Variants in NALCN observed in about 807,000 individuals in gnomAD.
The protein encoded by NALCN is sodium leak channel, non-selective, also known as sodium leak channel NALCN.
A neutral mutation model predicts 225.3 loss-of-function variants in NALCN; 111 were observed. The ratio of observed to expected loss-of-function variants is 0.49; its 90% CI spans 0.42 to 0.58. The LOEUF (loss-of-function observed/expected upper bound fraction) is 0.58, where lower values mean the gene tolerates loss of function less well. Among genes scored for constraint, NALCN ranks in the 20% least tolerant of loss-of-function variants. NALCN has a pLI of 0.00. For missense variants in NALCN, 1,378 were observed against 2,202.4 expected (o/e 0.63, Z 7.49); for synonymous variants, 764 against 769.0 (o/e 0.99, Z 0.11).
intron 3 of NALCN, among the ~76,000 whole-genome samples, chr13:101,384,828 T>C (rs1212556918): frequency 1.3e-5 from 2 of 152,178 alleles, no homozygotes; most frequent in African/African-American, 4.8e-5. Flanking sequence ...GGAGTGGGAA[T>C]TGATGGGCAA....
chr13:101,208,661 G>T (rs1391440653), intron 13 of NALCN, among the ~76,000 whole-genome samples: 1 of 152,210 alleles, frequency 6.6e-6, no homozygotes, highest in Non-Finnish European at 1.5e-5. Context: ...AGGTCACGGG[G>T]CAGCTGTCTC....
intron 6 of NALCN, among the ~76,000 whole-genome samples, chr13:101,369,300 T>G (rs1051716171): frequency 1.3e-5 from 2 of 152,084 alleles, no homozygotes; most frequent in Non-Finnish European, 1.5e-5. Flanking sequence ...TCAACATTTA[T>G]GAAATTTTTC....
At chr13:101,149,578 C>A (rs1037988577) in intron 15 of NALCN, among the ~76,000 whole-genome samples, 1 of 152,208 alleles carries the variant, frequency 6.6e-6, no homozygotes, top group Non-Finnish European at 1.5e-5. Context: ...TAGAACTCAG[C>A]ACAACTTGGT....
chr13:101,085,317 C>T (rs657208), intron 30 of NALCN, among the ~76,000 whole-genome samples: 111,206 of 151,930 alleles, frequency 0.73, 41,284 homozygotes, highest in African/African-American at 0.82. Flanking sequence ...TTTTCCTTTA[C>T]AGATTTCACT....
chr13:101,310,594 T>C (rs2044306479), intron 7 of NALCN, among the ~76,000 whole-genome samples: 1 of 152,126 alleles, frequency 6.6e-6, no homozygotes, highest in Admixed American at 6.5e-5. Flanking sequence ...TTGACACTTA[T>C]TACTACGTAG....
At chr13:101,414,059 T>TTC (rs2047863759) in intron 1 of NALCN, among the ~76,000 whole-genome samples, 1 of 151,356 alleles carries the variant, frequency 6.6e-6, no homozygotes, top group Non-Finnish European at 1.5e-5. Flanking sequence ...TGAATTTTTT[T>TTC]TTTTTTTGTA....
chr13:101,190,157 G>C (rs1212059115), intron 14 of NALCN, among the ~76,000 whole-genome samples: 1 of 152,148 alleles, frequency 6.6e-6, no homozygotes, highest in Non-Finnish European at 1.5e-5. Context: ...ACATATATCT[G>C]AGTGTGAAAC....
intron 10 of NALCN, among the ~76,000 whole-genome samples, chr13:101,274,283 G>A (rs1205073478): frequency 6.6e-6 from 1 of 152,180 alleles, no homozygotes; most frequent in African/African-American, 2.4e-5. Flanking sequence ...TCCATCGATA[G>A]TGGAATGAAT....
intron 3 of NALCN, among the ~76,000 whole-genome samples, chr13:101,393,383 AG>A (rs1420152656): frequency 7.2e-5 from 11 of 152,056 alleles, no homozygotes; most frequent in African/African-American, 2.7e-4. Flanking sequence ...TCAGAGGACA[AG>A]GAGTACACAG....
At chr13:101,219,248 T>G (rs1439461034) in intron 13 of NALCN, among the ~76,000 whole-genome samples, 1 of 152,130 alleles carries the variant, frequency 6.6e-6, no homozygotes, top group East Asian at 1.9e-4. Flanking sequence ...TGGAATCAAG[T>G]TTTCTGTTAC....
chr13:101,239,268 T>C (rs1018004708), intron 11 of NALCN, among the ~76,000 whole-genome samples: 1 of 151,968 alleles, frequency 6.6e-6, no homozygotes, highest in Non-Finnish European at 1.5e-5. Flanking sequence ...TTTAAAGATG[T>C]CATTGTCCTC....
intron 35 of NALCN, 98 bp downstream of exon 35, chr13:101,075,775 T>A: frequency 1.1e-6 from 1 of 932,678 alleles, no homozygotes; most frequent in Non-Finnish European, 1.6e-6. Flanking sequence ...TGTGATTACA[T>A]CCCTAAATAA....
At chr13:101,178,321 T>A (rs2039046658) in intron 14 of NALCN, among the ~76,000 whole-genome samples, 1 of 152,042 alleles carries the variant, frequency 6.6e-6, no homozygotes, top group Admixed American at 6.6e-5. Flanking sequence ...TCATGTTTCC[T>A]CTCTCTCTAG....
chr13:101,056,869 C>G (rs1026878138), intron 43 of NALCN: 1 of 152,190 alleles, frequency 6.6e-6, no homozygotes, highest in Non-Finnish European at 1.5e-5. Context: ...TAAAATTGAA[C>G]CGACTCAGCT....
intron 13 of NALCN, among the ~76,000 whole-genome samples, chr13:101,227,655 G>T (rs187300811): frequency 6.6e-6 from 1 of 152,150 alleles, no homozygotes; most frequent in Non-Finnish European, 1.5e-5. Context: ...TCCCTCCCCT[G>T]TATGTAAGCC....
At chr13:101,248,394 C>T (rs189090120) in intron 11 of NALCN, among the ~76,000 whole-genome samples, 1 of 152,302 alleles carries the variant, frequency 6.6e-6, no homozygotes, top group African/African-American at 2.4e-5. Flanking sequence ...AAGAATTTTA[C>T]TGGCTTTTGC....
At chr13:101,343,455 A>G (rs2045620607) in intron 7 of NALCN, among the ~76,000 whole-genome samples, 1 of 152,206 alleles carries the variant, frequency 6.6e-6, no homozygotes, top group Non-Finnish European at 1.5e-5. Flanking sequence ...TAAATTCTCT[A>G]TTGTGGCTCT....
intron 13 of NALCN, among the ~76,000 whole-genome samples, chr13:101,198,528 A>G (rs2039982217): frequency 6.6e-6 from 1 of 152,234 alleles, no homozygotes; most frequent in Non-Finnish European, 1.5e-5. Flanking sequence ...CAGCCAACAG[A>G]CACATGAAAA....
At chr13:101,250,246 T>C (rs2042021449) in intron 11 of NALCN, among the ~76,000 whole-genome samples, 1 of 152,044 alleles carries the variant, frequency 6.6e-6, no homozygotes, top group African/African-American at 2.4e-5. Context: ...TTAACATCAA[T>C]TAAAATCTCA....
Sources: gnomAD v4.1 joint callset for allele counts (sites outside exome capture counted in the v4.1 genomes callset) on GRCh38, gnomAD v4.1.1 for gene constraint, MANE v1.5 for transcripts, NCBI Gene and HGNC (gene_info 2026-07-23, HGNC 2026-07-21) for gene names.